DAPK1: variants seen among roughly 807,000 people sequenced by gnomAD.
DAPK1 encodes death associated protein kinase 1.
In DAPK1, 56 loss-of-function variants were observed where a neutral mutation model predicts 144.9. The observed-to-expected ratio is 0.39, with a 90% CI of 0.31 to 0.48. DAPK1 has a LOEUF of 0.48. DAPK1 is among the 20% of genes least tolerant of loss of function. The pLI is 0.95. For synonymous variants in DAPK1, 690 were observed against 749.0 expected (o/e 0.92, Z 1.29); for missense variants, 1,454 against 1,875.4 (o/e 0.78, Z 4.15).
chr9:87,690,629 A>G (rs549068958), intron 21 of DAPK1, among the ~76,000 whole-genome samples: 1 of 152,134 alleles, frequency 6.6e-6, no homozygotes, highest in African/African-American at 2.4e-5. Flanking sequence ...TTCTCTATTC[A>G]GTATGATGTC....
At chr9:87,703,574 G>T (rs1189895078) in intron 25 of DAPK1, among the ~76,000 whole-genome samples, 1 of 152,106 alleles carries the variant, frequency 6.6e-6, no homozygotes, top group Non-Finnish European at 1.5e-5. Flanking sequence ...TGGCTTCTTT[G>T]TATCAGCGTG....
chr9:87,609,403 A>T (rs139771323), intron 3 of DAPK1, among the ~76,000 whole-genome samples: 200 of 152,352 alleles, frequency 1.3e-3, no homozygotes, highest in African/African-American at 4.7e-3. Context: ...CTAAGTACCT[A>T]AGAACAGAAA....
Position 87,708,243 on chromosome 9 carries a change from G to A in DAPK1, c.*879G>A. 1 of 177,818 alleles carries A rather than the reference G, an allele frequency of 5.6e-6. No individual in the cohort carries two copies. Among genetic ancestry groups the A allele is most frequent in the Non-Finnish European group, 1.2e-5 (1 of 84,380 alleles). 11.0% of individuals were successfully genotyped at this position (177,818 alleles called of 1,614,324 possible). A position where few individuals can be genotyped will look rare whatever the true frequency, so the allele number is the denominator to read the frequency against. On this transcript the variant is annotated 3_prime_UTR_variant, in exon 26 of 26. Transcript: ENST00000408954. ...AGGTAGAAGGTTGACACAGTTGTAG[G>A]GTTACAGAGACCTATGTAAGAATTC...
chr9:87,632,271 A>G (rs1043965651), intron 3 of DAPK1: 1 of 983,724 alleles, frequency 1.0e-6, no homozygotes, highest in Non-Finnish European at 1.2e-6. Context: ...GTATATATGT[A>G]GGAATGAAGG....
At chr9:87,676,757 G>A (rs1483679504) in intron 19 of DAPK1, among the ~76,000 whole-genome samples, 3 of 152,208 alleles carry the variant, frequency 2.0e-5, no homozygotes, top group African/African-American at 4.8e-5. Flanking sequence ...TCCAAAGGGT[G>A]CCCTATTCAG....
chr9:87,623,558 A>G (rs1485349029), intron 3 of DAPK1, among the ~76,000 whole-genome samples: 3 of 152,154 alleles, frequency 2.0e-5, no homozygotes, highest in African/African-American at 7.2e-5. Flanking sequence ...ATCAAGCAGG[A>G]CACAAAGGAA....
intron 21 of DAPK1, among the ~76,000 whole-genome samples, chr9:87,693,649 C>G (rs1006760060): frequency 1.3e-5 from 2 of 151,986 alleles, no homozygotes; most frequent in Non-Finnish European, 2.9e-5. Context: ...TTTCTTGTGT[C>G]CTTACATTGA....
In DAPK1 at chr9:87,675,895, A is replaced by C. The variant is rs113848690; in HGVS notation, c.2002-5509A>C. On this transcript the variant is annotated intron_variant, in intron 19 of 25. Transcript: ENST00000408954. ...CACACACACACACACACACACACACACCCTTATGACCACCTGGAAGGTTCT... is the reference window on the plus strand; with the variant it reads ...CACACACACACACACACACACACACCCCCTTATGACCACCTGGAAGGTTCT... 1.7e-3 allele frequency among the ~76,000 whole-genome samples: 232 copies of C among 132,884 alleles called. 1 individual carries two copies. The highest frequency in any genetic ancestry group is 3.8e-3 in the African/African-American group (133 of 34,722). 87.2% of individuals were successfully genotyped at this position (132,884 alleles called of 152,430 possible).
intron 2 of DAPK1, among the ~76,000 whole-genome samples, chr9:87,590,165 G>A (rs954953761): frequency 2.0e-5 from 3 of 151,936 alleles, no homozygotes; most frequent in Non-Finnish European, 2.9e-5. Context: ...ATGGCTTCAC[G>A]CATTAGTATT....
At position 87,703,090 on chromosome 9, in the gene DAPK1, A is replaced by G. The variant is rs760474789; in HGVS notation, c.2933A>G (p.Lys978Arg). ...ATCTCCACGCTGCCTTCCTGGAGGAAGCTCAATGGACCCAACCAGCTGATG... is the reference window on the plus strand; with the variant it reads ...ATCTCCACGCTGCCTTCCTGGAGGAGGCTCAATGGACCCAACCAGCTGATG... ...KIISTLPSWR[K>R]LNGPNQLMSL... Residue 978 changes from lysine (K) to arginine (R), a missense_variant, in exon 25 of 26, where the codon AAG becomes AGG. Lys to Arg is a conservative substitution (Grantham distance 26). Around this residue, in one of 2 missense-constraint regions of DAPK1, gnomAD observed 1,025 missense variants for 1,237.9 expected, o/e 0.83. Transcript: ENST00000408954. 2 of 1,598,534 alleles carry G rather than the reference A, an allele frequency of 1.3e-6. No individual in the cohort carries two copies. Among genetic ancestry groups the G allele is most frequent in the South Asian group, 1.1e-5 (1 of 90,768 alleles).
intron 3 of DAPK1, among the ~76,000 whole-genome samples, chr9:87,634,300 C>G (rs1339047229): frequency 6.6e-6 from 1 of 152,206 alleles, no homozygotes; most frequent in East Asian, 1.9e-4. Context: ...AATGGACAGT[C>G]TCTGACCTCT....
intron 21 of DAPK1, among the ~76,000 whole-genome samples, chr9:87,695,815 A>G (rs1465479979): frequency 1.3e-5 from 2 of 152,156 alleles, no homozygotes; most frequent in Non-Finnish European, 2.9e-5. Context: ...TCAATATCCT[A>G]TACCCTGGCA....
In DAPK1 at chr9:87,521,529, G is replaced by A. The variant is rs149809258; in HGVS notation, c.62+22390G>A. Among the ~76,000 whole-genome samples, 27 of 152,312 alleles carry A rather than the reference G, an allele frequency of 1.8e-4. No homozygotes were observed. The East Asian group carries it at 5.2e-3, about 29-fold the overall frequency. ...TGGGCATTGAAGAATCACAGGAAAG[G>A]AGGGGCACCAGAGACCGTCTCCACT... On this transcript the variant is annotated intron_variant, in intron 2 of 25. Transcript: ENST00000408954.
rs568066990 is a variant in DAPK1, at chr9:87,669,499, A to T, written c.2001+825A>T. ...TCTTCTTTAAACATTAGTGTATTTT[A>T]AAAAATTTAATTACTGTATTTTTTT... On this transcript the variant is annotated intron_variant, in intron 19 of 25. Transcript: ENST00000408954. 3.9e-5 allele frequency among the ~76,000 whole-genome samples: 6 copies of T among 152,290 alleles called. No individual in the cohort carries two copies. In the East Asian group the frequency reaches 5.8e-4, roughly 15 times the overall value.
At chr9:87,647,523 C>G (rs1228923134) in intron 14 of DAPK1, 120 bp downstream of exon 14, 2 of 794,948 alleles carry the variant, frequency 2.5e-6, no homozygotes, top group Admixed American at 4.1e-5. Flanking sequence ...CAGAATTCAC[C>G]TGCAGAACAT....
chr9:87,559,025 A>C (rs1007003798), intron 2 of DAPK1, among the ~76,000 whole-genome samples: 1 of 152,148 alleles, frequency 6.6e-6, no homozygotes, highest in Non-Finnish European at 1.5e-5. Context: ...TCACAGGTGC[A>C]TGTGTGTGCA....
intron 2 of DAPK1, among the ~76,000 whole-genome samples, chr9:87,542,510 G>T (rs114104495): frequency 0.022 from 3,329 of 152,294 alleles, 94 homozygotes; most frequent in African/African-American, 0.073. Flanking sequence ...TACCAGAGCT[G>T]TCCTGTGCCA....
intron 2 of DAPK1, among the ~76,000 whole-genome samples, chr9:87,544,152 A>C (rs754993199): frequency 2.9e-4 from 44 of 152,292 alleles, no homozygotes; most frequent in Admixed American, 9.2e-4. Context: ...TCACTGCACT[A>C]ACTCAAATCT....
intron 19 of DAPK1, among the ~76,000 whole-genome samples, chr9:87,680,370 G>C (rs36217787): frequency 3.3e-5 from 5 of 152,202 alleles, no homozygotes; most frequent in Non-Finnish European, 1.5e-5. Flanking sequence ...CTCCCAAAGT[G>C]CTGGGATTAC....
Sources: gnomAD v4.1 joint callset for allele counts (sites outside exome capture counted in the v4.1 genomes callset) on GRCh38, gnomAD v4.1.1 for gene constraint, gnomAD v4.1.1 regional missense constraint, MANE v1.5 for transcripts, NCBI Gene and HGNC (gene_info 2026-07-23, HGNC 2026-07-21) for gene names.